COLGALT2: variants seen among roughly 807,000 people sequenced by gnomAD.
COLGALT2 encodes the protein procollagen galactosyltransferase 2.
Under a neutral mutation model 73.4 loss-of-function variants are expected in COLGALT2, and 49 were observed. The ratio of observed to expected loss-of-function variants is 0.67; its 90% CI spans 0.53 to 0.85. The LOEUF (loss-of-function observed/expected upper bound fraction) is 0.85. Among genes scored for constraint, COLGALT2 ranks in the 40% least tolerant of loss-of-function variants. COLGALT2 has a pLI of 0.00. For missense variants in COLGALT2, 722 were observed against 790.2 expected, an observed-to-expected ratio of 0.91 and a Z score of 1.03; for synonymous variants, 295 against 307.6, an observed-to-expected ratio of 0.96 and a Z score of 0.43.
At chr1:183,988,658 C>T (rs547880452) in intron 1 of COLGALT2, among the ~76,000 whole-genome samples, 13 of 152,288 alleles carry the variant, frequency 8.5e-5, no homozygotes, top group African/African-American at 2.4e-4. Context: ...TGTTGTAGCA[C>T]GTACCAGTAC....
At chr1:183,982,458 G>C (rs557325568) in intron 1 of COLGALT2, among the ~76,000 whole-genome samples, 87 of 152,192 alleles carry the variant, frequency 5.7e-4, no homozygotes, top group Non-Finnish European at 7.6e-4. Flanking sequence ...CTCGTGATAG[G>C]AAGCATGCAG....
intron 2 of COLGALT2, among the ~76,000 whole-genome samples, chr1:183,975,479 T>G (rs1193531153): frequency 6.6e-6 from 1 of 152,220 alleles, no homozygotes; most frequent in African/African-American, 2.4e-5. Context: ...ACTGCTATTC[T>G]CTGCATTTCA....
intron 5 of COLGALT2, 25 bp downstream of exon 5, chr1:183,969,244 C>A: frequency 6.3e-7 from 1 of 1,577,810 alleles, no homozygotes. Flanking sequence ...TCCATTGTGG[C>A]ACTACAACCA....
chr1:183,970,541 G>A (rs1171720846), intron 4 of COLGALT2, among the ~76,000 whole-genome samples: 4 of 152,184 alleles, frequency 2.6e-5, no homozygotes, highest in Non-Finnish European at 4.4e-5. Flanking sequence ...CTAGAAGAGT[G>A]TCCTAGCTGA....
At chr1:184,023,741 C>A (rs16822337) in intron 1 of COLGALT2, among the ~76,000 whole-genome samples, 1 of 151,880 alleles carries the variant, frequency 6.6e-6, no homozygotes, top group Non-Finnish European at 1.5e-5. Flanking sequence ...ACCTGCAACA[C>A]GTACACTTAT....
At chr1:183,969,805 G>A (rs781657998) in intron 4 of COLGALT2, among the ~76,000 whole-genome samples, 1 of 152,138 alleles carries the variant, frequency 6.6e-6, no homozygotes, top group Non-Finnish European at 1.5e-5. Context: ...GAGCAGTTAA[G>A]GGCACAGGTT....
In COLGALT2 at chr1:183,936,012, C is replaced by A; in HGVS notation, c.*2749G>T. Reference sequence around the variant, plus strand: ...TGAACCGCAAGCGGGGCCCATGCAGCGTGTCCTCTGCAAAGTGCAGGTGTT... The same window carrying A: ...TGAACCGCAAGCGGGGCCCATGCAGAGTGTCCTCTGCAAAGTGCAGGTGTT... On this transcript the variant is annotated 3_prime_UTR_variant, in exon 12 of 12. Coordinates refer to ENST00000361927, the MANE Select transcript of COLGALT2 (RefSeq NM_015101.4). 1.0e-6 allele frequency: 1 copy of A among 985,454 alleles called. No individual in the cohort carries two copies. The highest frequency in any genetic ancestry group is 1.2e-6 in the Non-Finnish European group (1 of 829,966). The allele number at this position is 985,454 out of a possible 1,614,324, so 61.0% of individuals were successfully genotyped here.
At chr1:183,970,563 T>G (rs964475539) in intron 4 of COLGALT2, among the ~76,000 whole-genome samples, 7 of 152,190 alleles carry the variant, frequency 4.6e-5, no homozygotes, top group Non-Finnish European at 1.0e-4. Flanking sequence ...CTAACCCTAA[T>G]GCCGACCCCA....
intron 1 of COLGALT2, 91 bp downstream of exon 1, chr1:184,037,004 T>C: frequency 8.9e-7 from 1 of 1,125,294 alleles, no homozygotes. Flanking sequence ...AGCGGCTCCC[T>C]CGCCCTGCAG....
At chr1:184,013,877 C>T (rs1004549207) in intron 1 of COLGALT2, among the ~76,000 whole-genome samples, 2 of 152,036 alleles carry the variant, frequency 1.3e-5, no homozygotes, top group Non-Finnish European at 2.9e-5. Flanking sequence ...GAACAACTGA[C>T]AAAAACTGAT....
intron 1 of COLGALT2, among the ~76,000 whole-genome samples, chr1:184,030,326 A>G (rs1216831991): frequency 6.6e-6 from 1 of 152,236 alleles, no homozygotes; most frequent in Non-Finnish European, 1.5e-5. Context: ...GCTATAATTT[A>G]AACACATATG....
At chr1:183,951,460 C>T (rs1441914133) in intron 7 of COLGALT2, among the ~76,000 whole-genome samples, 2 of 152,048 alleles carry the variant, frequency 1.3e-5, no homozygotes, top group Non-Finnish European at 2.9e-5. Flanking sequence ...CCTAAAGATG[C>T]CACCAAAAAA....
intron 4 of COLGALT2, among the ~76,000 whole-genome samples, chr1:183,972,905 T>C (rs1029317944): frequency 1.6e-4 from 25 of 152,142 alleles, no homozygotes; most frequent in Non-Finnish European, 3.2e-4. Flanking sequence ...TTCACCATGT[T>C]AGCCAGGATG....
chr1:184,029,594 C>T (rs1302217259), intron 1 of COLGALT2, among the ~76,000 whole-genome samples: 1 of 152,202 alleles, frequency 6.6e-6, no homozygotes, highest in African/African-American at 2.4e-5. Flanking sequence ...TGAATCCAGG[C>T]CTGGCAAGGT....
chr1:183,945,482 T>G lies in COLGALT2; in HGVS notation c.1219A>C (p.Thr407Pro), dbSNP rs1203930501. ...YRDPYSSRPL[T>P]RGEIGCFLSH... Reference sequence around the variant, plus strand: ...AGAAAGCAGCCGATTTCACCCCTTGTTAGAGGCCTGGAGGAATAGGGATCT... The same window carrying G: ...AGAAAGCAGCCGATTTCACCCCTTGGTAGAGGCCTGGAGGAATAGGGATCT... The change falls in exon 9 of 12, where the codon ACA (threonine) becomes CCA (proline). Residue 407 changes from threonine to proline, a missense_variant. Transcript: ENST00000361927. The G allele has an allele frequency of 6.2e-7, 1 of 1,614,200 alleles. No homozygotes were observed.
At chr1:183,986,969 G>T (rs1671506463) in intron 1 of COLGALT2, among the ~76,000 whole-genome samples, 1 of 152,110 alleles carries the variant, frequency 6.6e-6, no homozygotes, top group South Asian at 2.1e-4. Context: ...TGTCAAATTG[G>T]AAGTTCTCTA....
At chr1:183,961,698 T>C (rs1670706374) in intron 6 of COLGALT2, among the ~76,000 whole-genome samples, 1 of 152,228 alleles carries the variant, frequency 6.6e-6, no homozygotes, top group Admixed American at 6.5e-5. Context: ...CCCTTGTCAA[T>C]ACAGTTTTCA....
chr1:184,021,129 C>T (rs1225626141), intron 1 of COLGALT2, among the ~76,000 whole-genome samples: 1 of 152,066 alleles, frequency 6.6e-6, no homozygotes, highest in African/African-American at 2.4e-5. Context: ...CTGGGTCCAT[C>T]GGGAGAGGTT....
chr1:183,945,915 T>TAACACA (rs1213097225), intron 8 of COLGALT2: 1 of 213,628 alleles, frequency 4.7e-6, no homozygotes, highest in African/African-American at 2.3e-5. Flanking sequence ...GAATCTCTGT[T>TAACACA]AACACAGTGA....
Sources: allele counts gnomAD v4.1 joint callset (sites outside exome capture counted in the v4.1 genomes callset), GRCh38; gene constraint gnomAD v4.1.1; transcripts MANE v1.5; gene names NCBI Gene and HGNC (gene_info 2026-07-23, HGNC 2026-07-21).